The following ZRANB3 variants were observed in gnomAD, a reference collection of about 807,000 sequenced individuals.
The protein encoded by ZRANB3 is zinc finger RANBP2-type containing 3, also known as DNA annealing helicase and endonuclease ZRANB3.
Under a neutral mutation model 133.8 loss-of-function variants are expected in ZRANB3, and 125 were observed. The observed-to-expected ratio is 0.93, with a 90% CI of 0.81 to 1.08. The LOEUF (loss-of-function observed/expected upper bound fraction) is 1.08. Among genes scored for constraint, ZRANB3 ranks in the 50% least tolerant of loss-of-function variants. The pLI is 0.00. For missense variants in ZRANB3, 1,229 were observed against 1,275.5 expected, an observed-to-expected ratio of 0.96 and a Z score of 0.56; for synonymous variants, 387 against 432.7, an observed-to-expected ratio of 0.89 and a Z score of 1.31.
intron 2 of ZRANB3, among the ~76,000 whole-genome samples, chr2:135,482,975 T>C (rs1691902986): frequency 6.6e-6 from 1 of 152,014 alleles, no homozygotes; most frequent in Non-Finnish European, 1.5e-5. Context: ...GCCCACTTGA[T>C]CATGGTGGAT....
chr2:135,391,366 A>T (rs1687223585), intron 2 of ZRANB3, among the ~76,000 whole-genome samples: 2 of 152,276 alleles, frequency 1.3e-5, no homozygotes, highest in South Asian at 4.1e-4. Flanking sequence ...ACCCATGAAG[A>T]TAGTTACAAT....
intron 2 of ZRANB3, among the ~76,000 whole-genome samples, chr2:135,452,343 C>T (rs1023040543): frequency 5.3e-5 from 8 of 152,158 alleles, no homozygotes; most frequent in Non-Finnish European, 1.2e-4. Flanking sequence ...GGGTACACAG[C>T]CAAACCATAT....
chr2:135,372,644 G>A (rs1686235173), intron 3 of ZRANB3, among the ~76,000 whole-genome samples: 2 of 152,146 alleles, frequency 1.3e-5, no homozygotes, highest in South Asian at 4.1e-4. Context: ...AAAATTTGTT[G>A]GGCGTGGTGG....
At chr2:135,266,292 G>A (rs780827278) in intron 11 of ZRANB3, among the ~76,000 whole-genome samples, 4 of 152,186 alleles carry the variant, frequency 2.6e-5, no homozygotes, top group Non-Finnish European at 5.9e-5. Context: ...CAACATGACA[G>A]ATAGCAGGCC....
intron 4 of ZRANB3, among the ~76,000 whole-genome samples, chr2:135,351,908 C>A (rs751532685): frequency 9.2e-5 from 14 of 152,080 alleles, no homozygotes; most frequent in Admixed American, 7.9e-4. Flanking sequence ...AAATACTATT[C>A]AAATAAAAAT....
intron 2 of ZRANB3, among the ~76,000 whole-genome samples, chr2:135,484,898 A>T (rs1692020882): frequency 6.6e-6 from 1 of 151,568 alleles, no homozygotes; most frequent in African/African-American, 2.4e-5. Flanking sequence ...TAGCCAGGTG[A>T]GATGGTGGGC....
chr2:135,518,132 T>C (rs1693777359), intron 1 of ZRANB3, among the ~76,000 whole-genome samples: 1 of 152,132 alleles, frequency 6.6e-6, no homozygotes, highest in South Asian at 2.1e-4. Flanking sequence ...CCGTCCCAGA[T>C]AGACTTCAGA....
chr2:135,394,132 C>T (rs530448594), intron 2 of ZRANB3, among the ~76,000 whole-genome samples: 3 of 152,190 alleles, frequency 2.0e-5, no homozygotes, highest in Non-Finnish European at 4.4e-5. Flanking sequence ...GCTGGGATTA[C>T]AGGCATGAGC....
chr2:135,243,528 A>T (rs1206792535), intron 12 of ZRANB3, among the ~76,000 whole-genome samples: 4 of 152,238 alleles, frequency 2.6e-5, no homozygotes, highest in African/African-American at 7.2e-5. Context: ...TAAAAAAATT[A>T]CCATTAATTA....
chr2:135,267,522 C>T (rs1377042508), intron 11 of ZRANB3, among the ~76,000 whole-genome samples: 1 of 151,910 alleles, frequency 6.6e-6, no homozygotes, highest in East Asian at 1.9e-4. Flanking sequence ...CTCAATACTG[C>T]CACAGTGGGG....
At chr2:135,250,511 A>G (rs955241946) in intron 12 of ZRANB3, among the ~76,000 whole-genome samples, 2 of 152,192 alleles carry the variant, frequency 1.3e-5, no homozygotes, top group African/African-American at 4.8e-5. Context: ...CTCCCGTCAC[A>G]GGCCAGGAGG....
Position 135,455,171 on chromosome 2 carries a change from C to CTTTTTTTTTTTTTTTTTT in ZRANB3, c.161+49140_161+49157dup, listed in dbSNP as rs1166170814. 5.3e-5 allele frequency among the ~76,000 whole-genome samples: 2 copies of CTTTTTTTTTTTTTTTTTT among 37,594 alleles called. 1 individual carries two copies. Among genetic ancestry groups the CTTTTTTTTTTTTTTTTTT allele is most frequent in the Non-Finnish European group, 9.7e-5 (2 of 20,596 alleles). The allele number at this position is 37,594 out of a possible 152,430, so 24.7% of individuals were successfully genotyped here. A position where few individuals can be genotyped will look rare whatever the true frequency, so the allele number is the denominator to read the frequency against. On this transcript the variant is annotated intron_variant, in intron 2 of 20. Coordinates refer to ENST00000264159, the MANE Select transcript of ZRANB3 (RefSeq NM_032143.4). ...AATGGGATCACAATGCCTTCTTATA[C>CTTTTTTTTTTTTTTTTTT]TTTTTTTTTTTTTTTTTTTTTTTTT...
chr2:135,402,048 T>C (rs1027759796), intron 2 of ZRANB3, among the ~76,000 whole-genome samples: 2 of 151,978 alleles, frequency 1.3e-5, no homozygotes, highest in Non-Finnish European at 2.9e-5. Context: ...TTTGAAAATA[T>C]TTCCTAAAAG....
At chr2:135,469,368 CATT>C (rs2105025426) in intron 2 of ZRANB3, among the ~76,000 whole-genome samples, 1 of 152,120 alleles carries the variant, frequency 6.6e-6, no homozygotes, top group South Asian at 2.1e-4. Context: ...GTAAAAATAA[CATT>C]AATTATTTGA....
chr2:135,244,661 C>T (rs1017242736), intron 12 of ZRANB3, among the ~76,000 whole-genome samples: 29 of 151,772 alleles, frequency 1.9e-4, no homozygotes, highest in Non-Finnish European at 3.8e-4. Context: ...ACTAAAGAAA[C>T]CTCCCCACAA....
intron 2 of ZRANB3, among the ~76,000 whole-genome samples, chr2:135,441,060 A>G (rs1418190987): frequency 6.6e-6 from 1 of 152,134 alleles, no homozygotes; most frequent in Non-Finnish European, 1.5e-5. Context: ...AAAAAAAAAT[A>G]CGGAAAAATC....
intron 12 of ZRANB3, among the ~76,000 whole-genome samples, chr2:135,243,725 G>C (rs61457398): frequency 0.19 from 29,427 of 151,856 alleles, 3,838 homozygotes; most frequent in African/African-American, 0.34. Context: ...CTCAAGAGAT[G>C]CTCTTGCCTC....
Position 135,269,050 on chromosome 2 carries a change from C to T in ZRANB3, c.1298G>A (p.Arg433Lys), listed in dbSNP as rs774890702. 2.5e-6 allele frequency: 4 copies of T among 1,613,142 alleles called. No homozygotes were observed. The Admixed American group carries it at 6.7e-5, about 27-fold the overall frequency. ...ATTCACAGAACTGCACTGGCCAATT[C>T]TGTGAGCTCGGTCTTCTGCTTGTTT... is the stretch of plus-strand genomic sequence containing the variant. ...HIKQAEDRAH[R>K]IGQCSSVNIH... is the part of the protein sequence containing the mutation. The change falls in exon 11 of 21, where the codon AGA (arginine) becomes AAA (lysine). Residue 433 changes from arginine to lysine, a missense_variant. Arg to Lys is a conservative substitution (Grantham distance 26). Transcript: ENST00000264159.
chr2:135,380,576 T>C (rs1352706725), intron 3 of ZRANB3, among the ~76,000 whole-genome samples: 3 of 151,924 alleles, frequency 2.0e-5, no homozygotes, highest in African/African-American at 7.3e-5. Flanking sequence ...GGTTAAATAG[T>C]GAAATAAAGG....
Sources: allele counts gnomAD v4.1 joint callset (sites outside exome capture counted in the v4.1 genomes callset), GRCh38; gene constraint gnomAD v4.1.1; transcripts MANE v1.5; gene names NCBI Gene and HGNC (gene_info 2026-07-23, HGNC 2026-07-21).